The following PDE1C variants were observed in gnomAD, a reference collection of about 807,000 sequenced individuals.
PDE1C encodes the protein phosphodiesterase 1C.
A neutral mutation model predicts 93.1 loss-of-function variants in PDE1C; 62 were observed. The observed-to-expected ratio is 0.67, with a 90% CI of 0.54 to 0.82. The LOEUF is 0.82. Among genes scored for constraint, PDE1C ranks in the 40% least tolerant of loss-of-function variants. The probability of loss-of-function intolerance (pLI) is 0.00; values close to 1 mark genes in which losing one functional copy is unlikely to be tolerated. For missense variants in PDE1C, 742 were observed against 884.6 expected, an observed-to-expected ratio of 0.84 and a Z score of 2.04; for synonymous variants, 325 against 310.1, an observed-to-expected ratio of 1.05 and a Z score of -0.50.
At chr7:32,228,449 A>G (rs1261542067) in intron 1 of PDE1C, among the ~76,000 whole-genome samples, 1 of 152,212 alleles carries the variant, frequency 6.6e-6, no homozygotes, top group Admixed American at 6.5e-5. Flanking sequence ...TCCATCTTAC[A>G]AATGAGACAA....
intron 1 of PDE1C, among the ~76,000 whole-genome samples, chr7:32,286,166 A>T (rs1811985816): frequency 6.6e-6 from 1 of 152,228 alleles, no homozygotes; most frequent in African/African-American, 2.4e-5. Flanking sequence ...TTTCCCGCTT[A>T]TAAAGTCATA....
intron 16 of PDE1C, among the ~76,000 whole-genome samples, chr7:31,782,133 G>C (rs1783465909): frequency 6.6e-6 from 1 of 152,206 alleles, no homozygotes; most frequent in Admixed American, 6.5e-5. Flanking sequence ...CCCAACAGCA[G>C]AGAGGTGGTT....
rs759261694 is a variant in PDE1C, at chr7:31,879,188, A to T, written c.243-10T>A. ...TGTATCCAGGAGTCTCCTGAACACA[A>T]GAAACAGAATCAGCACACTGAGATT... On this transcript the variant is annotated splice_polypyrimidine_tract_variant and intron_variant, in intron 3 of 17. Coordinates refer to ENST00000396191, the MANE Select transcript of PDE1C (RefSeq NM_001191057.4). The T allele has an allele frequency of 1.2e-6, 2 of 1,607,846 alleles. No homozygotes were observed. The highest frequency in any genetic ancestry group is 2.7e-5 in the African/African-American group (2 of 74,862).
chr7:31,775,875 A>C, intron 16 of PDE1C, 143 bp from the exon 17 acceptor site: 1 of 689,354 alleles, frequency 1.5e-6, no homozygotes, highest in Non-Finnish European at 2.6e-6. Context: ...AGGGTGGTGC[A>C]TATTCTGTGG....
At chr7:32,215,387 T>C (rs1806357587) in intron 1 of PDE1C, among the ~76,000 whole-genome samples, 1 of 152,142 alleles carries the variant, frequency 6.6e-6, no homozygotes, top group Non-Finnish European at 1.5e-5. Flanking sequence ...GCCATAAAGG[T>C]TGAGAACCAC....
intron 1 of PDE1C, among the ~76,000 whole-genome samples, chr7:32,357,876 T>G (rs182949092): frequency 6.6e-6 from 1 of 152,298 alleles, no homozygotes; most frequent in East Asian, 1.9e-4. Flanking sequence ...TCTGCATCTT[T>G]AGGCCCAAGA....
intron 1 of PDE1C, among the ~76,000 whole-genome samples, chr7:32,380,282 G>A (rs1477403281): frequency 6.6e-6 from 1 of 151,268 alleles, no homozygotes; most frequent in Admixed American, 6.6e-5. Context: ...CTTTCACCCA[G>A]GCTGGAGTGC....
chr7:31,898,356 T>C (rs1363267260), intron 2 of PDE1C, among the ~76,000 whole-genome samples: 1 of 152,164 alleles, frequency 6.6e-6, no homozygotes, highest in Non-Finnish European at 1.5e-5. Context: ...TATTGTATCA[T>C]GTATCCATAG....
At chr7:32,036,179 G>A (rs778258974) in intron 2 of PDE1C, among the ~76,000 whole-genome samples, 8 of 152,076 alleles carry the variant, frequency 5.3e-5, no homozygotes, top group East Asian at 3.9e-4. Context: ...AACCACATAC[G>A]CAAGAAACAA....
At chr7:31,663,047 G>A in the PDE1C span, among the ~76,000 whole-genome samples, 7 of 152,092 alleles carry the variant, frequency 4.6e-5, no homozygotes, top group African/African-American at 1.7e-4. Flanking sequence ...TTCAAACCCT[G>A]TATGCCACTT....
intron 15 of PDE1C, among the ~76,000 whole-genome samples, chr7:31,810,906 T>C (rs141381677): frequency 2.6e-5 from 4 of 152,298 alleles, no homozygotes; most frequent in African/African-American, 9.6e-5. Flanking sequence ...GGCTGTAATA[T>C]ATTCTACAAA....
chr7:32,326,281 C>A (rs890673161), intron 1 of PDE1C, among the ~76,000 whole-genome samples: 13 of 152,186 alleles, frequency 8.5e-5, no homozygotes, highest in Admixed American at 8.5e-4. Flanking sequence ...GTATGCAGGA[C>A]AGGAGTCTGA....
At chr7:31,948,263 A>G (rs1806883918) in intron 2 of PDE1C, among the ~76,000 whole-genome samples, 1 of 152,228 alleles carries the variant, frequency 6.6e-6, no homozygotes, top group Admixed American at 6.5e-5. Context: ...CAATAGAGTT[A>G]TGTGTACTTT....
At chr7:31,927,993 G>A (rs948260603) in intron 2 of PDE1C, among the ~76,000 whole-genome samples, 30 of 152,026 alleles carry the variant, frequency 2.0e-4, no homozygotes, top group African/African-American at 6.5e-4. Context: ...AAGCTCCACT[G>A]AGCTAAAGGA....
the PDE1C span, among the ~76,000 whole-genome samples, chr7:31,622,835 G>C: frequency 6.6e-6 from 1 of 152,028 alleles, no homozygotes; most frequent in Non-Finnish European, 1.5e-5. Flanking sequence ...TTTTTGAAAT[G>C]ATCAACAAAA....
intron 1 of PDE1C, among the ~76,000 whole-genome samples, chr7:32,414,032 G>A (rs1357358674): frequency 6.6e-6 from 1 of 151,804 alleles, no homozygotes; most frequent in African/African-American, 2.4e-5. Context: ...CAGCAACATA[G>A]TGAGACCCCA....
intron 2 of PDE1C, among the ~76,000 whole-genome samples, chr7:32,044,440 G>T (rs558871945): frequency 6.6e-6 from 1 of 152,208 alleles, no homozygotes; most frequent in East Asian, 1.9e-4. Context: ...CAAGAAGATA[G>T]GCATTTAATG....
chr7:31,783,014 G>A (rs1346075571), intron 16 of PDE1C, among the ~76,000 whole-genome samples: 1 of 152,184 alleles, frequency 6.6e-6, no homozygotes, highest in Non-Finnish European at 1.5e-5. Flanking sequence ...CCTACAATGA[G>A]TTTATTGGGA....
At chr7:32,201,682 G>A (rs1260106566) in intron 2 of PDE1C, among the ~76,000 whole-genome samples, 1 of 152,202 alleles carries the variant, frequency 6.6e-6, no homozygotes, top group Non-Finnish European at 1.5e-5. Flanking sequence ...GGAGGAGGAT[G>A]AGGATAAAAG....
Sources: gnomAD v4.1 joint callset for allele counts (sites outside exome capture counted in the v4.1 genomes callset) on GRCh38, gnomAD v4.1.1 for gene constraint, MANE v1.5 for transcripts, NCBI Gene and HGNC (gene_info 2026-07-23, HGNC 2026-07-21) for gene names.